Variants in AKAP6 observed in about 807,000 individuals in gnomAD.
The protein encoded by AKAP6 is A-kinase anchoring protein 6.
In AKAP6, 58 loss-of-function variants were observed where a neutral mutation model predicts 188.5. That is an observed-to-expected ratio of 0.31 (90% confidence interval 0.25 to 0.38). The LOEUF is 0.38. Ranked by LOEUF, AKAP6 falls within the 10% of genes least tolerant of loss-of-function variation. The pLI is 1.00. For missense variants in AKAP6, 2,710 were observed against 2,740.0 expected, an observed-to-expected ratio of 0.99 and a Z score of 0.24; for synonymous variants, 989 against 998.6, an observed-to-expected ratio of 0.99 and a Z score of 0.18.
At chr14:32,371,117 T>C (rs1403491373) in intron 1 of AKAP6, among the ~76,000 whole-genome samples, 1 of 152,178 alleles carries the variant, frequency 6.6e-6, no homozygotes, top group Non-Finnish European at 1.5e-5. Context: ...TAAAAATAAA[T>C]TCTTGTCTTG....
intron 12 of AKAP6, among the ~76,000 whole-genome samples, chr14:32,816,407 G>A (rs987487317): frequency 1.3e-5 from 2 of 152,002 alleles, no homozygotes; most frequent in African/African-American, 2.4e-5. Context: ...TGTTTCCCAG[G>A]CTGGTCTCAA....
intron 1 of AKAP6, among the ~76,000 whole-genome samples, chr14:32,359,508 A>T (rs1887589807): frequency 6.6e-6 from 1 of 151,742 alleles, no homozygotes; most frequent in African/African-American, 2.4e-5. Flanking sequence ...ATTATGGTAT[A>T]TTTATCAAAT....
In AKAP6 at chr14:32,492,355, T is replaced by TATATAGAGAGAG; in HGVS notation, c.325-43198_325-43197insTATAGAGAGAGA. 1.2e-3 allele frequency among the ~76,000 whole-genome samples: 96 copies of TATATAGAGAGAG among 82,594 alleles called. 1 individual carries two copies. The highest frequency in any genetic ancestry group is 0.01 in the East Asian group (16 of 1,526). 54.2% of individuals were successfully genotyped at this position (82,594 alleles called of 152,430 possible). On this transcript the variant is annotated intron_variant, in intron 2 of 13. Coordinates refer to ENST00000280979, the MANE Select transcript of AKAP6 (RefSeq NM_004274.5). ...ACATTGTAATATATATATATATATATAGAGAGAGAGAGAGAGAGAGAGAGA... is the reference window on the plus strand; with the variant it reads ...ACATTGTAATATATATATATATATATATATAGAGAGAGAGAGAGAGAGAGAGAGAGAGAGAGA...
At position 32,785,302 on chromosome 14, in the gene AKAP6, A is replaced by C. The variant is rs1323528344; in HGVS notation, c.3588+11409A>C. On this transcript the variant is annotated intron_variant, in intron 12 of 13. Transcript: ENST00000280979. Reference sequence around the variant, plus strand: ...AAGAATGAGAAATAACAGAATAAAGAAAGTAAATCTTGAGAGGGAAAACAT... The same window carrying C: ...AAGAATGAGAAATAACAGAATAAAGCAAGTAAATCTTGAGAGGGAAAACAT... Among the ~76,000 whole-genome samples, 5 of 152,344 alleles carry C rather than the reference A, an allele frequency of 3.3e-5. No individual in the cohort carries two copies. In the East Asian group the frequency reaches 9.6e-4, roughly 29 times the overall value.
At chr14:32,763,369 C>G (rs2032602409) in intron 11 of AKAP6, among the ~76,000 whole-genome samples, 1 of 151,982 alleles carries the variant, frequency 6.6e-6, no homozygotes, top group African/African-American at 2.4e-5. Context: ...AGGATCCTGC[C>G]AAGGGTTAAC....
chr14:32,660,726 T>C (rs1404002061), intron 7 of AKAP6, among the ~76,000 whole-genome samples: 1 of 152,082 alleles, frequency 6.6e-6, no homozygotes, highest in African/African-American at 2.4e-5. Context: ...CGTGAGATTC[T>C]GAGAGTATAT....
At chr14:32,409,236 A>G (rs1889399571) in intron 1 of AKAP6, among the ~76,000 whole-genome samples, 1 of 152,080 alleles carries the variant, frequency 6.6e-6, no homozygotes, top group South Asian at 2.1e-4. Flanking sequence ...TAGCATATGA[A>G]CTAATTCATA....
chr14:32,534,261 T>C (rs12147886), intron 2 of AKAP6, among the ~76,000 whole-genome samples: 150,827 of 152,320 alleles, frequency 0.99, 74,677 homozygotes, highest in East Asian at 1. Context: ...CAAATTTTGG[T>C]CTTAACAAAA....
At position 32,544,230 on chromosome 14, in the gene AKAP6, C is replaced by T. The variant is rs565678778; in HGVS notation, c.577-1000C>T. Among the ~76,000 whole-genome samples the T allele has an allele frequency of 2.6e-5, 4 of 152,228 alleles. No individual in the cohort carries two copies. The East Asian group carries it at 7.7e-4, about 29-fold the overall frequency. ...GGGGATGTAACAACCCTTCACTTTT[C>T]AGTTTTCTTTTTTCATTTCCTAAGG... On this transcript the variant is annotated intron_variant, in intron 3 of 13. Coordinates refer to ENST00000280979, the MANE Select transcript of AKAP6 (RefSeq NM_004274.5).
intron 3 of AKAP6, among the ~76,000 whole-genome samples, chr14:32,537,335 C>T (rs1405258644): frequency 6.6e-6 from 1 of 152,100 alleles, no homozygotes; most frequent in Non-Finnish European, 1.5e-5. Context: ...CGTGTTAGTT[C>T]CCAGATGCCA....
intron 2 of AKAP6, among the ~76,000 whole-genome samples, chr14:32,533,185 A>G (rs1258333506): frequency 6.6e-6 from 1 of 152,214 alleles, no homozygotes; most frequent in East Asian, 1.9e-4. Context: ...CATGCTTGGT[A>G]TAGAGAGAGT....
intron 5 of AKAP6, among the ~76,000 whole-genome samples, chr14:32,597,843 A>G (rs1163099979): frequency 6.6e-6 from 1 of 152,186 alleles, no homozygotes; most frequent in Non-Finnish European, 1.5e-5. Flanking sequence ...CTTGATCTGC[A>G]TATCTCTATC....
At chr14:32,520,820 G>A (rs1881789931) in intron 2 of AKAP6, among the ~76,000 whole-genome samples, 1 of 152,166 alleles carries the variant, frequency 6.6e-6, no homozygotes, top group Admixed American at 6.6e-5. Flanking sequence ...TAGAAAAAGA[G>A]GGAATCCTCC....
rs149165237 is a variant in AKAP6 at position 32,720,044 on chromosome 14, C to A, written c.3001-12410C>A. On this transcript the variant is annotated intron_variant, in intron 9 of 13. Transcript: ENST00000280979. Reference sequence around the variant, plus strand: ...TCAGCATTTTCATTATAAATACTTGCACTGAACAGGCCTATAATTCAGCTA... The same window carrying A: ...TCAGCATTTTCATTATAAATACTTGAACTGAACAGGCCTATAATTCAGCTA... 5.3e-3 allele frequency among the ~76,000 whole-genome samples: 801 copies of A among 152,290 alleles called. 10 individuals carry two copies. Among genetic ancestry groups the A allele is most frequent in the African/African-American group, 0.017 (721 of 41,568 alleles).
intron 7 of AKAP6, among the ~76,000 whole-genome samples, chr14:32,629,462 T>A (rs1462998313): frequency 6.7e-6 from 1 of 149,682 alleles, no homozygotes; most frequent in Non-Finnish European, 1.5e-5. Context: ...AGTCATGTTT[T>A]TTTTTTTTTT....
chr14:32,769,763 A>T (rs1566698837), intron 11 of AKAP6, among the ~76,000 whole-genome samples: 1 of 151,186 alleles, frequency 6.6e-6, no homozygotes, highest in African/African-American at 2.4e-5. Context: ...TTTCCTTCTC[A>T]TCTCTCTTTT....
intron 1 of AKAP6, among the ~76,000 whole-genome samples, chr14:32,356,316 A>G (rs1313363878): frequency 1.3e-5 from 2 of 151,982 alleles, no homozygotes; most frequent in East Asian, 3.9e-4. Context: ...CCTACTATCC[A>G]TGTCTTGCGG....
chr14:32,739,406 A>C (rs2031577654), intron 11 of AKAP6, among the ~76,000 whole-genome samples: 1 of 152,052 alleles, frequency 6.6e-6, no homozygotes, highest in Non-Finnish European at 1.5e-5. Flanking sequence ...TTATTTAAAA[A>C]TATACAATTA....
chr14:32,795,996 G>A (rs2033757644), intron 12 of AKAP6, among the ~76,000 whole-genome samples: 2 of 152,058 alleles, frequency 1.3e-5, no homozygotes, highest in South Asian at 4.1e-4. Context: ...CAACAGGTAA[G>A]CAGATAGACA....
Sources: allele counts gnomAD v4.1 joint callset (sites outside exome capture counted in the v4.1 genomes callset), GRCh38; gene constraint gnomAD v4.1.1; transcripts MANE v1.5; gene names NCBI Gene and HGNC (gene_info 2026-07-23, HGNC 2026-07-21).